CFAP54: variants seen among roughly 807,000 people sequenced by gnomAD.
CFAP54 encodes the protein cilia and flagella associated protein 54.
CFAP54 carries 290 observed loss-of-function variants against 370.4 expected under a neutral mutation model. The ratio of observed to expected loss-of-function variants is 0.78; its 90% CI spans 0.71 to 0.86. The LOEUF (loss-of-function observed/expected upper bound fraction) is 0.86, where lower values mean the gene tolerates loss of function less well. Among genes scored for constraint, CFAP54 ranks in the 40% least tolerant of loss-of-function variants. The pLI, the probability that CFAP54 is intolerant of heterozygous loss-of-function variation, is 0.00. For missense variants in CFAP54, 3,399 were observed against 3,528.7 expected, an observed-to-expected ratio of 0.96 and a Z score of 0.93; for synonymous variants, 1,206 against 1,236.5, an observed-to-expected ratio of 0.98 and a Z score of 0.52.
At chr12:96,794,885 C>CTGGG (rs1275383060) in intron 63 of CFAP54, among the ~76,000 whole-genome samples, 1 of 152,142 alleles carries the variant, frequency 6.6e-6, no homozygotes, top group Non-Finnish European at 1.5e-5. Context: ...GAGGGAAGAT[C>CTGGG]TGGGACTCAG....
chr12:96,512,303 A>T (rs1482623613), intron 4 of CFAP54, among the ~76,000 whole-genome samples: 230 of 6,056 alleles, frequency 0.038, 2 homozygotes, highest in African/African-American at 0.15. Flanking sequence ...AACCAATTTT[A>T]TATATATATA....
chr12:96,698,694 G>A (rs1294637086), intron 45 of CFAP54, among the ~76,000 whole-genome samples: 3 of 152,180 alleles, frequency 2.0e-5, no homozygotes, highest in Non-Finnish European at 2.9e-5. Context: ...CAGGGTGAGA[G>A]GAGGTGAGGA....
At chr12:96,756,398 T>C (rs569443058) in intron 56 of CFAP54, 60 bp from the exon 57 acceptor site, 1 of 895,456 alleles carries the variant, frequency 1.1e-6, no homozygotes, top group African/African-American at 1.7e-5. Context: ...AAATATTTGT[T>C]CTTAAGTTCT....
chr12:96,632,111 T>G (rs1446024799), intron 32 of CFAP54, among the ~76,000 whole-genome samples: 1 of 152,010 alleles, frequency 6.6e-6, no homozygotes, highest in Non-Finnish European at 1.5e-5. Flanking sequence ...TCTTTTCATA[T>G]TTTTATTTGG....
rs1956837458 is a variant in CFAP54 at position 96,649,794 on chromosome 12, T to C, written c.4691-97T>C. 5 of 701,732 alleles carry C rather than the reference T, an allele frequency of 7.1e-6. No individual in the cohort carries two copies. The Admixed American group carries it at 9.9e-5, about 14-fold the overall frequency. 43.5% of individuals were successfully genotyped at this position (701,732 alleles called of 1,614,324 possible). Reference sequence around the variant, plus strand: ...TTTCTCCAAGTTTATGTAGCATTTGTTATCTGAATTACTCACTTGATCCTT... The same window carrying C: ...TTTCTCCAAGTTTATGTAGCATTTGCTATCTGAATTACTCACTTGATCCTT... On this transcript the variant is annotated intron_variant, in intron 34 of 67. Transcript: ENST00000524981.
intron 27 of CFAP54, among the ~76,000 whole-genome samples, 154 bp downstream of exon 27, chr12:96,621,875 G>GTTT (rs71068819): frequency 0.018 from 877 of 50,050 alleles, 15 homozygotes; most frequent in African/African-American, 0.031. Context: ...TTTTGGGTTT[G>GTTT]TTTTTTTTTT....
intron 39 of CFAP54, among the ~76,000 whole-genome samples, chr12:96,664,790 T>G (rs1413421142): frequency 4.9e-4 from 13 of 26,384 alleles, no homozygotes; most frequent in African/African-American, 1.6e-3. Context: ...TATATATATA[T>G]ATATATATAT....
chr12:96,724,068 T>G (rs1957797140), intron 50 of CFAP54, among the ~76,000 whole-genome samples: 1 of 151,860 alleles, frequency 6.6e-6, no homozygotes, highest in Non-Finnish European at 1.5e-5. Context: ...CTTAATCCAG[T>G]CTATCATTGA....
intron 5 of CFAP54, among the ~76,000 whole-genome samples, chr12:96,514,227 T>C (rs1955205897): frequency 6.6e-6 from 1 of 152,210 alleles, no homozygotes; most frequent in African/African-American, 2.4e-5. Context: ...AGAGATATGT[T>C]TTTTCTTATT....
chr12:96,557,985 ACTCT>A (rs1014614858), intron 17 of CFAP54, among the ~76,000 whole-genome samples: 31 of 152,162 alleles, frequency 2.0e-4, no homozygotes, highest in African/African-American at 3.9e-4. Flanking sequence ...TTTTATTGAC[ACTCT>A]CTATCTATAA....
intron 11 of CFAP54, among the ~76,000 whole-genome samples, chr12:96,535,052 G>GTGTTTA (rs1491302214): frequency 7.8e-6 from 1 of 128,922 alleles, no homozygotes; most frequent in Admixed American, 8.0e-5. Context: ...GTGTGTGTGT[G>GTGTTTA]TTTATTTATT....
At chr12:96,574,782 T>C (rs1955958720) in intron 19 of CFAP54, among the ~76,000 whole-genome samples, 1 of 152,162 alleles carries the variant, frequency 6.6e-6, no homozygotes, top group African/African-American at 2.4e-5. Flanking sequence ...TTTTATGTAT[T>C]TTATTTAAGG....
chr12:96,775,106 A>G (rs1290991678), intron 60 of CFAP54, among the ~76,000 whole-genome samples: 1 of 152,178 alleles, frequency 6.6e-6, no homozygotes, highest in African/African-American at 2.4e-5. Context: ...GTCACAGTGT[A>G]AATGAATGAG....
intron 12 of CFAP54, among the ~76,000 whole-genome samples, chr12:96,537,564 A>C (rs546087764): frequency 1.3e-5 from 2 of 150,226 alleles, no homozygotes; most frequent in South Asian, 4.3e-4. Flanking sequence ...CTGGTCTTGA[A>C]CTCCTGACCT....
chr12:96,665,036 T>A (rs1428700723), intron 39 of CFAP54, among the ~76,000 whole-genome samples: 1 of 152,004 alleles, frequency 6.6e-6, no homozygotes, highest in East Asian at 1.9e-4. Context: ...GGTATCTCAT[T>A]GTTGTTTTGA....
At chr12:96,839,123 G>A (rs538907268) in intron 66 of CFAP54, among the ~76,000 whole-genome samples, 47 of 152,278 alleles carry the variant, frequency 3.1e-4, no homozygotes, top group African/African-American at 1.1e-3. Flanking sequence ...ACTCTGGAGA[G>A]TCTAGTTGCC....
intron 63 of CFAP54, among the ~76,000 whole-genome samples, chr12:96,804,613 G>A (rs1958858255): frequency 6.6e-6 from 1 of 152,070 alleles, no homozygotes; most frequent in Non-Finnish European, 1.5e-5. Flanking sequence ...GAAAGAAAGT[G>A]TAGATGACAC....
intron 26 of CFAP54, among the ~76,000 whole-genome samples, chr12:96,616,873 A>G (rs1220960218): frequency 6.6e-6 from 1 of 152,204 alleles, no homozygotes; most frequent in Non-Finnish European, 1.5e-5. Context: ...TGTATTTTAG[A>G]AAAAAGAAAT....
intron 42 of CFAP54, 69 bp from the exon 43 acceptor site, chr12:96,688,847 A>C: frequency 1.2e-6 from 1 of 820,328 alleles, no homozygotes; most frequent in South Asian, 1.6e-5. Context: ...TATATATGTA[A>C]AGACATTTAT....
Sources: allele counts gnomAD v4.1 joint callset (sites outside exome capture counted in the v4.1 genomes callset), GRCh38; gene constraint gnomAD v4.1.1; transcripts MANE v1.5; gene names NCBI Gene and HGNC (gene_info 2026-07-23, HGNC 2026-07-21).